The following TENM2 variants were observed in gnomAD, a reference collection of about 807,000 sequenced individuals.
TENM2 encodes the protein teneurin-2.
A neutral mutation model predicts 245.2 loss-of-function variants in TENM2; 52 were observed. The observed-to-expected ratio is 0.21, with a 90% CI of 0.17 to 0.27. The LOEUF is 0.27. Ranked by LOEUF, TENM2 falls within the 10% of genes least tolerant of loss-of-function variation. The pLI, the probability that TENM2 is intolerant of heterozygous loss-of-function variation, is 1.00. For missense variants in TENM2, 3,046 were observed against 3,666.8 expected (o/e 0.83, Z 4.37); for synonymous variants, 1,363 against 1,438.9 (o/e 0.95, Z 1.19).
chr5:167,648,234 G>C (rs1007338582), intron 2 of TENM2, among the ~76,000 whole-genome samples: 3 of 152,140 alleles, frequency 2.0e-5, no homozygotes, highest in Non-Finnish European at 4.4e-5. Context: ...TTAGACAAAG[G>C]CTTCGACAAA....
chr5:167,051,072 A>C, the TENM2 span, among the ~76,000 whole-genome samples: 1 of 152,070 alleles, frequency 6.6e-6, no homozygotes, highest in Non-Finnish European at 1.5e-5. Flanking sequence ...CACGGTTTCC[A>C]CATGGCATAT....
chr5:167,415,938 T>G (rs1180104876), intron 2 of TENM2, among the ~76,000 whole-genome samples: 1 of 152,172 alleles, frequency 6.6e-6, no homozygotes, highest in Non-Finnish European at 1.5e-5. Flanking sequence ...GTAATGATAT[T>G]ATAGAATTAG....
the TENM2 span, among the ~76,000 whole-genome samples, chr5:167,030,691 C>A: frequency 1.3e-5 from 2 of 152,086 alleles, no homozygotes; most frequent in Non-Finnish European, 1.5e-5. Flanking sequence ...TGTAGTAACG[C>A]GAGCAGAGCA....
At chr5:167,582,526 T>G (rs1162089445) in intron 2 of TENM2, among the ~76,000 whole-genome samples, 2 of 152,182 alleles carry the variant, frequency 1.3e-5, no homozygotes, top group Non-Finnish European at 2.9e-5. Flanking sequence ...AGACCATTTT[T>G]CAAATGGTGA....
At chr5:167,659,392 A>G (rs1755058002) in intron 2 of TENM2, among the ~76,000 whole-genome samples, 1 of 152,238 alleles carries the variant, frequency 6.6e-6, no homozygotes, top group African/African-American at 2.4e-5. Flanking sequence ...TCAACTAGAA[A>G]TATGCAGGAA....
At chr5:167,655,192 G>C (rs1382378678) in intron 2 of TENM2, among the ~76,000 whole-genome samples, 1 of 152,168 alleles carries the variant, frequency 6.6e-6, no homozygotes, top group Non-Finnish European at 1.5e-5. Flanking sequence ...CAATGAACAG[G>C]TTCAAAAGAA....
At chr5:167,831,485 C>CTTTTTTT (rs10667494) in intron 2 of TENM2, among the ~76,000 whole-genome samples, 1 of 127,800 alleles carries the variant, frequency 7.8e-6, no homozygotes, top group Non-Finnish European at 1.6e-5. Context: ...GAGTTCAGCA[C>CTTTTTTT]TTTTTTTTTT....
intron 4 of TENM2, among the ~76,000 whole-genome samples, chr5:167,966,531 A>C (rs1355065619): frequency 1.3e-5 from 2 of 152,206 alleles, no homozygotes; most frequent in Non-Finnish European, 2.9e-5. Context: ...AAGAAGAAGC[A>C]ATCTTAGACT....
chr5:167,345,627 TG>T (rs1199922156), intron 1 of TENM2, among the ~76,000 whole-genome samples: 3 of 152,220 alleles, frequency 2.0e-5, no homozygotes, highest in Non-Finnish European at 4.4e-5. Context: ...GGTTTTTTAC[TG>T]GCATTTACAA....
At chr5:167,300,202 G>C (rs965465901) in intron 1 of TENM2, among the ~76,000 whole-genome samples, 1 of 152,166 alleles carries the variant, frequency 6.6e-6, no homozygotes, top group African/African-American at 2.4e-5. Flanking sequence ...GGGAGAGCAC[G>C]TGTGTTTTTA....
the TENM2 span, among the ~76,000 whole-genome samples, chr5:167,115,809 T>C: frequency 6.6e-6 from 1 of 152,186 alleles, no homozygotes; most frequent in Non-Finnish European, 1.5e-5. Flanking sequence ...TGCTTACCTT[T>C]AATAAATAAA....
chr5:167,698,104 G>T (rs1012800176), intron 2 of TENM2, among the ~76,000 whole-genome samples: 2 of 151,998 alleles, frequency 1.3e-5, no homozygotes, highest in Non-Finnish European at 2.9e-5. Flanking sequence ...CTCATTGTAT[G>T]CACTGATCTT....
chr5:167,968,130 C>A (rs1781513461), intron 4 of TENM2, among the ~76,000 whole-genome samples: 1 of 152,144 alleles, frequency 6.6e-6, no homozygotes, highest in Non-Finnish European at 1.5e-5. Context: ...CCATTCTGCT[C>A]AGCTGCAGCT....
intron 2 of TENM2, among the ~76,000 whole-genome samples, chr5:167,627,008 C>A (rs1308493488): frequency 6.6e-6 from 1 of 152,114 alleles, no homozygotes; most frequent in East Asian, 1.9e-4. Context: ...ACCAAGGGAG[C>A]ATAACAATGA....
intron 3 of TENM2, among the ~76,000 whole-genome samples, chr5:167,949,625 C>T (rs1779919530): frequency 6.6e-6 from 1 of 152,126 alleles, no homozygotes; most frequent in South Asian, 2.1e-4. Flanking sequence ...GCTGTTTTCA[C>T]CAGTTGGCAG....
intron 2 of TENM2, among the ~76,000 whole-genome samples, chr5:167,814,230 G>A (rs1318621618): frequency 1.3e-5 from 2 of 152,032 alleles, no homozygotes; most frequent in African/African-American, 4.8e-5. Flanking sequence ...GGTTTACATG[G>A]TGCCAAGCCC....
rs567961897 is a variant in TENM2 at position 167,826,080 on chromosome 5, T to C, written c.503-49906T>C. On this transcript the variant is annotated intron_variant, in intron 2 of 28. Coordinates refer to ENST00000518659, the Ensembl canonical transcript of TENM2. ...GTTGTAGAATTTGGCCTCTTACCCC[T>C]AGCATGTGCAAAAAAACAAACAAAC... 2.0e-5 allele frequency among the ~76,000 whole-genome samples: 3 copies of C among 152,132 alleles called. No homozygotes were observed. The South Asian group carries it at 6.2e-4, about 32-fold the overall frequency.
the TENM2 span, among the ~76,000 whole-genome samples, chr5:167,131,031 C>A: frequency 4.0e-5 from 6 of 151,064 alleles, no homozygotes; most frequent in African/African-American, 1.5e-4. Context: ...ATAACTTGAA[C>A]TCTGACCACA....
At chr5:167,233,276 A>T in the TENM2 span, among the ~76,000 whole-genome samples, 1 of 152,202 alleles carries the variant, frequency 6.6e-6, no homozygotes, top group Non-Finnish European at 1.5e-5. Context: ...ATATGTACTC[A>T]AACTTTCTTT....
Sources: gnomAD v4.1 joint callset for allele counts (sites outside exome capture counted in the v4.1 genomes callset) on GRCh38, gnomAD v4.1.1 for gene constraint, MANE v1.5 for transcripts, NCBI Gene and HGNC (gene_info 2026-07-23, HGNC 2026-07-21) for gene names.